CFAP90: variants seen among roughly 807,000 people sequenced by gnomAD.
CFAP90 encodes the protein cilia- and flagella-associated protein 90.
At chr5:7,835,549 ATT>A in the CFAP90 span, 2 of 1,083,164 alleles carry the variant, frequency 1.8e-6, no homozygotes, top group Non-Finnish European at 2.8e-6. Context: ...AGGCTGGGTC[ATT>A]GAGGCCCGAT....
At chr5:7,838,330 T>A in the CFAP90 span, among the ~76,000 whole-genome samples, 3 of 151,980 alleles carry the variant, frequency 2.0e-5, no homozygotes, top group Non-Finnish European at 4.4e-5. Context: ...ATGAAAACTT[T>A]AAAAAAAACA....
chr5:7,839,733 T>A, the CFAP90 span, among the ~76,000 whole-genome samples: 1 of 152,226 alleles, frequency 6.6e-6, no homozygotes, highest in Non-Finnish European at 1.5e-5. Context: ...TTACTAGGAA[T>A]CTCACTGCTT....
chr5:7,835,417 G>A, the CFAP90 span: 1 of 1,604,546 alleles, frequency 6.2e-7, no homozygotes. Context: ...CTTTTTGCAT[G>A]TTCTCTGTCA....
chr5:7,849,412 C>G, the CFAP90 span, among the ~76,000 whole-genome samples: 1 of 152,166 alleles, frequency 6.6e-6, no homozygotes, highest in Admixed American at 6.5e-5. Context: ...CCCTAGACAC[C>G]TGGCTAATCT....
At chr5:7,844,896 C>A in the CFAP90 span, among the ~76,000 whole-genome samples, 3 of 152,148 alleles carry the variant, frequency 2.0e-5, no homozygotes, top group Non-Finnish European at 4.4e-5. Context: ...ACTGTCAGGT[C>A]CTTCAGAGAT....
chr5:7,842,645 T>C, the CFAP90 span, among the ~76,000 whole-genome samples: 2 of 152,082 alleles, frequency 1.3e-5, no homozygotes, highest in African/African-American at 4.8e-5. Context: ...AGAAGGCACT[T>C]GGATTTCCAA....
the CFAP90 span, chr5:7,835,336 T>C: frequency 9.5e-7 from 1 of 1,057,782 alleles, no homozygotes; most frequent in Non-Finnish European, 1.4e-6. Flanking sequence ...TCTATAAAGT[T>C]TTGTTAATCT....
At chr5:7,842,190 T>A in the CFAP90 span, among the ~76,000 whole-genome samples, 1,454 of 151,920 alleles carry the variant, frequency 9.6e-3, 13 homozygotes, top group South Asian at 0.022. Context: ...TGCACACAAA[T>A]AACTGGGGTA....
At chr5:7,849,152 C>G in the CFAP90 span, among the ~76,000 whole-genome samples, 1 of 152,174 alleles carries the variant, frequency 6.6e-6, no homozygotes. Context: ...GATTAAGACT[C>G]CAAAACATAA....
At chr5:7,835,932 T>A in the CFAP90 span, among the ~76,000 whole-genome samples, 3 of 152,194 alleles carry the variant, frequency 2.0e-5, no homozygotes, top group South Asian at 2.1e-4. Context: ...TCCTGGAGGC[T>A]GCGAAGTCCA....
chr5:7,847,732 G>C, the CFAP90 span, among the ~76,000 whole-genome samples: 1 of 152,138 alleles, frequency 6.6e-6, no homozygotes, highest in African/African-American at 2.4e-5. Context: ...CACACTTCAG[G>C]CATCTCTCTG....
At chr5:7,832,127 C>G in the CFAP90 span, 1 of 1,249,638 alleles carries the variant, frequency 8.0e-7, no homozygotes, top group South Asian at 1.4e-5. Flanking sequence ...GCTTTTTCTG[C>G]CTGGGTCCCA....
At chr5:7,846,259 C>T in the CFAP90 span, among the ~76,000 whole-genome samples, 1 of 152,066 alleles carries the variant, frequency 6.6e-6, no homozygotes, top group Non-Finnish European at 1.5e-5. Context: ...GCCTGTGCTA[C>T]CAACTAATCA....
At chr5:7,842,673 C>T in the CFAP90 span, among the ~76,000 whole-genome samples, 1 of 152,092 alleles carries the variant, frequency 6.6e-6, no homozygotes, top group African/African-American at 2.4e-5. Context: ...CACCAAGAGC[C>T]TCCCTGGAGA....
the CFAP90 span, among the ~76,000 whole-genome samples, chr5:7,833,534 T>C: frequency 1.3e-5 from 2 of 152,000 alleles, no homozygotes; most frequent in African/African-American, 4.8e-5. Context: ...CATGCACACA[T>C]ATATACACAC....
the CFAP90 span, among the ~76,000 whole-genome samples, chr5:7,833,618 C>T: frequency 6.7e-6 from 1 of 149,640 alleles, no homozygotes; most frequent in Non-Finnish European, 1.5e-5. Flanking sequence ...TCTGTACATA[C>T]ATGTACACAC....
At chr5:7,841,837 G>A in the CFAP90 span, among the ~76,000 whole-genome samples, 5,233 of 152,242 alleles carry the variant, frequency 0.034, 282 homozygotes, top group African/African-American at 0.12. Flanking sequence ...AGGACGGGAC[G>A]TGGGAAGAGA....
the CFAP90 span, among the ~76,000 whole-genome samples, chr5:7,841,492 T>G: frequency 1.2e-4 from 19 of 152,280 alleles, no homozygotes; most frequent in Non-Finnish European, 2.4e-4. Context: ...CCCAAAGGAA[T>G]AGAAATCATT....
chr5:7,846,285 T>C, the CFAP90 span, among the ~76,000 whole-genome samples: 1 of 152,146 alleles, frequency 6.6e-6, no homozygotes, highest in Admixed American at 6.6e-5. Flanking sequence ...CACACTACTG[T>C]GTGTCACATA....
Sources: allele counts gnomAD v4.1 joint callset (sites outside exome capture counted in the v4.1 genomes callset), GRCh38; gene constraint gnomAD v4.1.1; transcripts MANE v1.5; gene names NCBI Gene and HGNC (gene_info 2026-07-23, HGNC 2026-07-21).